The following PDE10A variants were observed in gnomAD, a reference collection of about 807,000 sequenced individuals.
PDE10A encodes cAMP and cAMP-inhibited cGMP 3',5'-cyclic phosphodiesterase 10A.
PDE10A carries 39 observed loss-of-function variants against 97.7 expected under a neutral mutation model. The observed-to-expected ratio is 0.40, with a 90% confidence interval of 0.31 to 0.52. The LOEUF is 0.52. Among genes scored for constraint, PDE10A ranks in the 20% least tolerant of loss-of-function variants. The pLI is 0.56. For synonymous variants in PDE10A, 371 were observed against 376.8 expected, an observed-to-expected ratio of 0.98 and a Z score of 0.18; for missense variants, 731 against 1,047.8, an observed-to-expected ratio of 0.70 and a Z score of 4.17.
At chr6:165,380,154 A>G (rs1401846307) in intron 17 of PDE10A, among the ~76,000 whole-genome samples, 1 of 152,120 alleles carries the variant, frequency 6.6e-6, no homozygotes, top group Non-Finnish European at 1.5e-5. Context: ...TAATTGAGGG[A>G]AAAAAACCCT....
chr6:165,347,168 A>G (rs1481699217), intron 18 of PDE10A, among the ~76,000 whole-genome samples: 1 of 152,036 alleles, frequency 6.6e-6, no homozygotes, highest in Admixed American at 6.5e-5. Context: ...TTTAAATCAT[A>G]TCTGTAATAA....
intron 10 of PDE10A, among the ~76,000 whole-genome samples, chr6:165,425,677 T>C (rs541216156): frequency 8.7e-4 from 132 of 152,014 alleles, no homozygotes; most frequent in Non-Finnish European, 1.6e-3. Context: ...TGCTGTAGGT[T>C]CTAGCCAGGG....
chr6:165,977,533 G>T (rs1784887268), intron 1 of PDE10A, among the ~76,000 whole-genome samples: 1 of 152,162 alleles, frequency 6.6e-6, no homozygotes, highest in Non-Finnish European at 1.5e-5. Flanking sequence ...ATTAAGCACA[G>T]ACTTCTATTA....
intron 2 of PDE10A, among the ~76,000 whole-genome samples, chr6:165,501,039 C>A (rs1326119830): frequency 1.3e-5 from 2 of 152,156 alleles, no homozygotes; most frequent in Non-Finnish European, 2.9e-5. Context: ...CCACATCCCC[C>A]TCTCCGAGAT....
chr6:165,553,623 G>A (rs995877977), intron 1 of PDE10A, among the ~76,000 whole-genome samples: 4 of 152,094 alleles, frequency 2.6e-5, no homozygotes, highest in Admixed American at 6.5e-5. Context: ...CTTATTTCAC[G>A]TGAATTAACA....
chr6:165,594,310 A>G (rs1786454142), intron 1 of PDE10A, among the ~76,000 whole-genome samples: 1 of 152,236 alleles, frequency 6.6e-6, no homozygotes, highest in South Asian at 2.1e-4. Flanking sequence ...GTTAATAAAG[A>G]CATATGAAAT....
intron 17 of PDE10A, among the ~76,000 whole-genome samples, chr6:165,383,391 T>C (rs1019177622): frequency 6.6e-6 from 1 of 152,208 alleles, no homozygotes; most frequent in Non-Finnish European, 1.5e-5. Context: ...TAGTAAGTTT[T>C]AGGCAAGAAA....
intron 2 of PDE10A, among the ~76,000 whole-genome samples, chr6:165,505,146 T>C (rs541653434): frequency 6.6e-6 from 1 of 152,338 alleles, no homozygotes; most frequent in African/African-American, 2.4e-5. Flanking sequence ...TCACCTAATA[T>C]GTTTCTTTCT....
intron 10 of PDE10A, among the ~76,000 whole-genome samples, chr6:165,423,862 A>AC (rs1249577339): frequency 1.3e-5 from 2 of 151,914 alleles, no homozygotes; most frequent in Non-Finnish European, 2.9e-5. Context: ...AAAAAAAAAA[A>AC]AAATTACCCA....
In PDE10A at chr6:165,448,992, A is replaced by T. The variant is rs1437695613; in HGVS notation, c.1145-15T>A. ...GGCTTTTGTGGCTGCCAAAGTAATAAGAAAAGGAAGAAACTGAGCTCAGTG... is the reference window on the plus strand; with the variant it reads ...GGCTTTTGTGGCTGCCAAAGTAATATGAAAAGGAAGAAACTGAGCTCAGTG... On this transcript the variant is annotated splice_polypyrimidine_tract_variant and intron_variant, in intron 4 of 21. Transcript: ENST00000539869. 6.2e-7 allele frequency: 1 copy of T among 1,606,754 alleles called. No homozygotes were observed. The highest frequency in any genetic ancestry group is 1.3e-5 in the African/African-American group (1 of 74,788).
At chr6:165,945,979 T>C (rs1008368695) in intron 1 of PDE10A, among the ~76,000 whole-genome samples, 1 of 152,236 alleles carries the variant, frequency 6.6e-6, no homozygotes, top group African/African-American at 2.4e-5. Context: ...TTTAGTTGAT[T>C]GTTTCCTTTG....
At chr6:165,412,750 A>C (rs1036253557) in intron 13 of PDE10A, among the ~76,000 whole-genome samples, 2 of 152,120 alleles carry the variant, frequency 1.3e-5, no homozygotes, top group East Asian at 3.9e-4. Flanking sequence ...ACTCCCAAAA[A>C]AGCAGTTTCT....
chr6:165,900,364 C>G (rs1052790963), intron 1 of PDE10A, among the ~76,000 whole-genome samples: 1 of 152,024 alleles, frequency 6.6e-6, no homozygotes, highest in Non-Finnish European at 1.5e-5. Flanking sequence ...CCCAGCTACT[C>G]CAGAGGCTGA....
chr6:165,750,923 T>C (rs540321742), intron 1 of PDE10A, among the ~76,000 whole-genome samples: 29 of 152,298 alleles, frequency 1.9e-4, no homozygotes, highest in African/African-American at 6.7e-4. Flanking sequence ...AAGTTGTTGT[T>C]GGCAGGAGCG....
intron 1 of PDE10A, among the ~76,000 whole-genome samples, chr6:165,580,774 G>A (rs1785569180): frequency 1.3e-5 from 2 of 151,984 alleles, no homozygotes; most frequent in Admixed American, 6.6e-5. Context: ...TACCCAATGA[G>A]AAAGAAGATG....
intron 1 of PDE10A, among the ~76,000 whole-genome samples, chr6:165,628,822 A>C (rs1389540808): frequency 6.6e-6 from 1 of 152,200 alleles, no homozygotes; most frequent in East Asian, 1.9e-4. Context: ...ATTTATAGAT[A>C]ATTGAGATTT....
At position 165,331,340 on chromosome 6, in the gene PDE10A, C is replaced by T. The variant is rs1781330795; in HGVS notation, c.*1685G>A. 1 of 152,104 alleles carries T rather than the reference C, an allele frequency of 6.6e-6. No individual in the cohort carries two copies. Among genetic ancestry groups the T allele is most frequent in the African/African-American group, 2.4e-5 (1 of 41,390 alleles). The allele number at this position is 152,104 out of a possible 1,614,324, so 9.4% of individuals were successfully genotyped here. A position where few individuals can be genotyped will look rare whatever the true frequency, so the allele number is the denominator to read the frequency against. ...GAGCTCCACGGAGGGAAGATGGCAACTTTCAGAAGCCCACAAGAAAACTGA... is the reference window on the plus strand; with the variant it reads ...GAGCTCCACGGAGGGAAGATGGCAATTTTCAGAAGCCCACAAGAAAACTGA... On this transcript the variant is annotated 3_prime_UTR_variant, in exon 22 of 22. Coordinates refer to ENST00000539869, the MANE Select transcript of PDE10A (RefSeq NM_001385079.1).
At chr6:165,843,837 T>C (rs1347876482) in intron 1 of PDE10A, among the ~76,000 whole-genome samples, 2 of 152,232 alleles carry the variant, frequency 1.3e-5, no homozygotes, top group Non-Finnish European at 2.9e-5. Context: ...AGGTTTTATC[T>C]GAGGAGCAAA....
At chr6:165,586,799 T>C (rs1785939244) in intron 1 of PDE10A, among the ~76,000 whole-genome samples, 1 of 152,204 alleles carries the variant, frequency 6.6e-6, no homozygotes, top group East Asian at 1.9e-4. Flanking sequence ...GATTTGAAAT[T>C]TGGTTGGAAG....
Sources: allele counts gnomAD v4.1 joint callset (sites outside exome capture counted in the v4.1 genomes callset), GRCh38; gene constraint gnomAD v4.1.1; transcripts MANE v1.5; gene names NCBI Gene and HGNC (gene_info 2026-07-23, HGNC 2026-07-21).